Variants in GRM5 observed in about 807,000 individuals in gnomAD.
GRM5 encodes glutamate metabotropic receptor 5, also known as metabotropic glutamate receptor 5.
In GRM5, 19 loss-of-function variants were observed where a neutral mutation model predicts 83.1. The ratio of observed to expected loss-of-function variants is 0.23; its 90% CI spans 0.16 to 0.34. The LOEUF is 0.34. GRM5 is among the 10% of genes least tolerant of loss of function. GRM5 has a pLI of 1.00. For synonymous variants in GRM5, 675 were observed against 633.6 expected, an observed-to-expected ratio of 1.07 and a Z score of -0.98; for missense variants, 1,160 against 1,588.3, an observed-to-expected ratio of 0.73 and a Z score of 4.58.
intron 2 of GRM5, among the ~76,000 whole-genome samples, chr11:88,928,338 T>C (rs1945824827): frequency 6.6e-6 from 1 of 152,050 alleles, no homozygotes; most frequent in Admixed American, 6.6e-5. Context: ...GTTACTTCAC[T>C]GTGGTTCCAC....
chr11:88,704,529 C>A (rs1205512178), intron 3 of GRM5, among the ~76,000 whole-genome samples: 1 of 152,044 alleles, frequency 6.6e-6, no homozygotes, highest in Non-Finnish European at 1.5e-5. Flanking sequence ...ATAAGAGGAA[C>A]TGCACATTTT....
chr11:88,806,824 A>G (rs1259112969), intron 3 of GRM5, among the ~76,000 whole-genome samples: 2 of 152,158 alleles, frequency 1.3e-5, no homozygotes, highest in African/African-American at 4.8e-5. Flanking sequence ...CAATGTGTTA[A>G]GGTTCTAATA....
intron 3 of GRM5, among the ~76,000 whole-genome samples, chr11:88,785,911 G>T (rs1260728421): frequency 6.6e-6 from 1 of 152,050 alleles, no homozygotes; most frequent in African/African-American, 2.4e-5. Context: ...TTCCTGCTTT[G>T]CTCAGGTTCC....
intron 5 of GRM5, 63 bp downstream of exon 5, chr11:88,604,655 T>C (rs1938091374): frequency 1.5e-6 from 2 of 1,361,338 alleles, no homozygotes; most frequent in East Asian, 4.6e-5. Flanking sequence ...AAGAGACATT[T>C]CAGGATCAAG....
At chr11:89,052,727 C>T (rs868554363) in intron 1 of GRM5, among the ~76,000 whole-genome samples, 8 of 152,286 alleles carry the variant, frequency 5.3e-5, no homozygotes, top group African/African-American at 1.9e-4. Flanking sequence ...CACTTACTTA[C>T]TGCTTGAGCG....
intron 2 of GRM5, among the ~76,000 whole-genome samples, chr11:88,906,090 T>C (rs377511006): frequency 2.6e-5 from 4 of 152,168 alleles, no homozygotes; most frequent in East Asian, 3.9e-4. Context: ...TTGGTTACCT[T>C]CTGTTTTGTA....
rs2135557489 is a variant in GRM5, at chr11:88,867,299, CTGTTACTT to C, written c.662-17152_662-17145del. Among the ~76,000 whole-genome samples, 6 of 151,706 alleles carry C rather than the reference CTGTTACTT, an allele frequency of 4.0e-5. No homozygotes were observed. The Middle Eastern group carries it at 0.01, about 260-fold the overall frequency. The stretch of plus-strand genomic sequence containing the variant: ...ATTAAATCTACAAATTACTGGCAAA[CTGTTACTT>C]CATTTGGGGTTGAATATGAGAAAAT... On this transcript the variant is annotated intron_variant, in intron 2 of 9. Coordinates refer to ENST00000305447, the MANE Select transcript of GRM5 (RefSeq NM_001143831.3).
At chr11:88,988,023 G>A (rs983577087) in intron 2 of GRM5, among the ~76,000 whole-genome samples, 108 of 151,566 alleles carry the variant, frequency 7.1e-4, no homozygotes, top group African/African-American at 2.3e-3. Flanking sequence ...CGACTTTGAC[G>A]AGCTGAGAGA....
At chr11:88,866,408 T>C (rs1042143271) in intron 2 of GRM5, among the ~76,000 whole-genome samples, 4 of 151,796 alleles carry the variant, frequency 2.6e-5, no homozygotes, top group African/African-American at 7.3e-5. Context: ...TGTCAGGGGA[T>C]TGGGGTCTAG....
At chr11:88,922,465 A>G (rs1945709594) in intron 2 of GRM5, among the ~76,000 whole-genome samples, 1 of 152,222 alleles carries the variant, frequency 6.6e-6, no homozygotes. Context: ...AGAGTCAAGA[A>G]AATACATTAG....
intron 3 of GRM5, among the ~76,000 whole-genome samples, chr11:88,839,101 G>T (rs370610444): frequency 1.3e-5 from 2 of 151,986 alleles, no homozygotes; most frequent in African/African-American, 4.8e-5. Context: ...ACATTTTTAT[G>T]CATTTTATAC....
At chr11:88,810,304 C>A (rs558804576) in intron 3 of GRM5, among the ~76,000 whole-genome samples, 2 of 151,976 alleles carry the variant, frequency 1.3e-5, no homozygotes, top group Admixed American at 1.3e-4. Flanking sequence ...CTTGGGCTGG[C>A]TCTTGAAAAA....
At chr11:88,521,934 C>T (rs971977240) in intron 9 of GRM5, among the ~76,000 whole-genome samples, 1 of 152,150 alleles carries the variant, frequency 6.6e-6, no homozygotes, top group African/African-American at 2.4e-5. Flanking sequence ...TGCTTTCTTT[C>T]CCCACCAGGC....
In GRM5 at chr11:88,593,062, C is replaced by T. The variant is rs545041642; in HGVS notation, c.1564-2335G>A. 2.6e-5 allele frequency among the ~76,000 whole-genome samples: 4 copies of T among 152,260 alleles called. No homozygotes were observed. In the South Asian group the frequency reaches 6.2e-4, roughly 24 times the overall value. On this transcript the variant is annotated intron_variant, in intron 6 of 9. Transcript: ENST00000305447. ...CTTGAACTCCTGAGCTCAAGGGATT[C>T]TCCCACCTCGGCCTCCCAAAATGTT...
Position 88,706,033 on chromosome 11 carries a change from G to T in GRM5, c.912-52630C>A, listed in dbSNP as rs538963669. Among the ~76,000 whole-genome samples, 5 of 152,066 alleles carry T rather than the reference G, an allele frequency of 3.3e-5. No individual in the cohort carries two copies. The South Asian group carries it at 1.0e-3, about 32-fold the overall frequency. ...CAATGAAGAAACTAAGACTCACAGA[G>T]ATTCACTAACTTCCCAATGGCACAC... On this transcript the variant is annotated intron_variant, in intron 3 of 9. Transcript: ENST00000305447.
intron 7 of GRM5, among the ~76,000 whole-genome samples, chr11:88,571,404 C>A (rs184775756): frequency 6.6e-4 from 100 of 152,070 alleles, no homozygotes; most frequent in Non-Finnish European, 1.2e-3. Context: ...TAGTTTGATG[C>A]CTTCATTGCA....
At chr11:88,777,222 T>C (rs188844873) in intron 3 of GRM5, among the ~76,000 whole-genome samples, 2 of 152,348 alleles carry the variant, frequency 1.3e-5, no homozygotes, top group East Asian at 3.9e-4. Flanking sequence ...TTCCACCTGA[T>C]TGAATCAGCT....
intron 3 of GRM5, among the ~76,000 whole-genome samples, chr11:88,829,313 T>G (rs1943946544): frequency 6.6e-6 from 1 of 151,958 alleles, no homozygotes; most frequent in African/African-American, 2.4e-5. Flanking sequence ...ATACAAAATT[T>G]GGTGGGTCGC....
intron 3 of GRM5, among the ~76,000 whole-genome samples, chr11:88,769,334 G>A (rs182906017): frequency 1.7e-3 from 255 of 151,890 alleles, no homozygotes; most frequent in Middle Eastern, 6.8e-3. Flanking sequence ...TTATGGACTT[G>A]TGTATATACA....
Sources: gnomAD v4.1 joint callset for allele counts (sites outside exome capture counted in the v4.1 genomes callset) on GRCh38, gnomAD v4.1.1 for gene constraint, MANE v1.5 for transcripts, NCBI Gene and HGNC (gene_info 2026-07-23, HGNC 2026-07-21) for gene names.